The following VAV3 variants were observed in gnomAD, a reference collection of about 807,000 sequenced individuals.
VAV3 encodes guanine nucleotide exchange factor VAV3.
Under a neutral mutation model 131.2 loss-of-function variants are expected in VAV3, and 94 were observed. The ratio of observed to expected loss-of-function variants is 0.72; its 90% CI spans 0.61 to 0.85. The LOEUF is 0.85. Among genes scored for constraint, VAV3 ranks in the 40% least tolerant of loss-of-function variants. VAV3 has a pLI of 0.00. For synonymous variants in VAV3, 349 were observed against 342.0 expected (o/e 1.02, Z -0.22); for missense variants, 939 against 1,002.7 (o/e 0.94, Z 0.86).
chr1:107,599,034 A>G (rs1307504860), intron 24 of VAV3, among the ~76,000 whole-genome samples: 1 of 152,210 alleles, frequency 6.6e-6, no homozygotes, highest in Non-Finnish European at 1.5e-5. Context: ...GAATTTGGCT[A>G]GAAACCATAG....
Position 107,833,774 on chromosome 1 carries a change from G to A in VAV3, c.321+41127C>T, listed in dbSNP as rs193061071. Among the ~76,000 whole-genome samples, 567 of 152,272 alleles carry A rather than the reference G, an allele frequency of 3.7e-3. 4 individuals are homozygous for A. Among genetic ancestry groups the A allele is most frequent in the Admixed American group, 0.021 (314 of 15,308 alleles). On this transcript the variant is annotated intron_variant, in intron 2 of 26. Transcript: ENST00000370056. ...TCTTGTTATTGTGAAGCTAGCAAAG[G>A]TCTAGGGAGTCACTTGGATGACAAG...
intron 17 of VAV3, 68 bp from the exon 18 acceptor site, chr1:107,688,474 T>C: frequency 6.2e-7 from 1 of 1,605,938 alleles, no homozygotes; most frequent in Non-Finnish European, 8.5e-7. Flanking sequence ...ACCTTAGCTT[T>C]CTCTGCAGAG....
intron 1 of VAV3, among the ~76,000 whole-genome samples, chr1:107,957,283 T>C (rs1031234067): frequency 3.3e-5 from 5 of 152,052 alleles, no homozygotes; most frequent in Admixed American, 3.3e-4. Context: ...TTAATCTTTT[T>C]TGTTCCTCTC....
rs766282554 is a variant in VAV3 at position 107,964,890 on chromosome 1, G to T, written c.-21C>A. 2 of 1,429,780 alleles carry T rather than the reference G, an allele frequency of 1.4e-6. No homozygotes were observed. The highest frequency in any genetic ancestry group is 1.6e-5 in the South Asian group (1 of 61,878). 88.6% of individuals were successfully genotyped at this position (1,429,780 alleles called of 1,614,324 possible). ...TCCATGCCCGACGGCTCCGGGACGC[G>T]GCTGGGCCGGGGCGGGCGGCAAGGA... On this transcript the variant is annotated 5_prime_UTR_variant, in exon 1 of 27. Coordinates refer to ENST00000370056, the MANE Select transcript of VAV3 (RefSeq NM_006113.5).
At position 107,749,606 on chromosome 1, in the gene VAV3, A is replaced by AGATT. The variant is rs759664391; in HGVS notation, c.1260-16_1260-13dup. 2.6e-5 allele frequency: 42 copies of AGATT among 1,606,596 alleles called. No homozygotes were observed. In the Middle Eastern group the frequency reaches 6.6e-4, roughly 25 times the overall value. On this transcript the variant is annotated splice_polypyrimidine_tract_variant and intron_variant, in intron 13 of 26. Transcript: ENST00000370056. Reference sequence around the variant, plus strand: ...ATAAGAAGATATGCCTGGGAAAAAGAGATTGATTGATTGATTTTAAATGGT... The same window carrying AGATT: ...ATAAGAAGATATGCCTGGGAAAAAGAGATTGATTGATTGATTGATTTTAAATGGT...
chr1:107,871,466 A>G (rs1019903007), intron 2 of VAV3, among the ~76,000 whole-genome samples: 3 of 151,624 alleles, frequency 2.0e-5, no homozygotes, highest in African/African-American at 7.3e-5. Context: ...CTCTTAAATG[A>G]GTTCAAGTTA....
chr1:107,757,427 C>T, intron 10 of VAV3, 98 bp from the exon 11 acceptor site: 1 of 1,052,998 alleles, frequency 9.5e-7, no homozygotes, highest in Non-Finnish European at 1.4e-6. Context: ...TATTGGTTTT[C>T]TCTCTATAAT....
At chr1:107,742,196 T>C (rs1663060859) in intron 15 of VAV3, among the ~76,000 whole-genome samples, 1 of 152,190 alleles carries the variant, frequency 6.6e-6, no homozygotes, top group South Asian at 2.1e-4. Flanking sequence ...GCTGTTGTAA[T>C]ATTTTGCCAC....
At chr1:107,831,275 T>C (rs1283692468) in intron 2 of VAV3, among the ~76,000 whole-genome samples, 1 of 152,202 alleles carries the variant, frequency 6.6e-6, no homozygotes, top group Non-Finnish European at 1.5e-5. Context: ...ATATGACATA[T>C]ATCTCTATAC....
chr1:107,834,531 A>C (rs1220355533), intron 2 of VAV3, among the ~76,000 whole-genome samples: 2 of 152,062 alleles, frequency 1.3e-5, no homozygotes, highest in African/African-American at 4.8e-5. Flanking sequence ...CAGAATACGC[A>C]TTCTGATCAA....
chr1:107,851,625 G>T (rs567420491), intron 2 of VAV3, among the ~76,000 whole-genome samples: 1 of 152,242 alleles, frequency 6.6e-6, no homozygotes, highest in Admixed American at 6.5e-5. Flanking sequence ...AAGGGAAACA[G>T]AAGTGCTCCC....
intron 19 of VAV3, among the ~76,000 whole-genome samples, chr1:107,656,563 C>G (rs1231805608): frequency 6.6e-6 from 1 of 152,050 alleles, no homozygotes; most frequent in Non-Finnish European, 1.5e-5. Context: ...CTACAGTTAA[C>G]ATTAATCCAT....
chr1:107,905,168 T>C (rs573834342), intron 1 of VAV3, among the ~76,000 whole-genome samples: 51 of 152,346 alleles, frequency 3.3e-4, no homozygotes, highest in African/African-American at 1.2e-3. Context: ...CCATATTTTA[T>C]ACAGGACCTT....
intron 1 of VAV3, among the ~76,000 whole-genome samples, chr1:107,904,571 G>T (rs528798462): frequency 1.3e-5 from 2 of 152,074 alleles, no homozygotes; most frequent in African/African-American, 2.4e-5. Context: ...ATTTATTTCT[G>T]CCCCCAACCA....
chr1:107,633,655 C>T (rs1654682405), intron 20 of VAV3, among the ~76,000 whole-genome samples: 1 of 151,626 alleles, frequency 6.6e-6, no homozygotes, highest in African/African-American at 2.4e-5. Context: ...TTGCTTTAAC[C>T]AAAAAAAAGC....
intron 25 of VAV3, among the ~76,000 whole-genome samples, chr1:107,595,781 A>C (rs1278891854): frequency 1.3e-5 from 2 of 152,152 alleles, no homozygotes; most frequent in East Asian, 3.9e-4. Flanking sequence ...AAAATTCTTA[A>C]AGTAGTCATT....
intron 24 of VAV3, among the ~76,000 whole-genome samples, chr1:107,598,217 G>T (rs1406843489): frequency 2.6e-5 from 4 of 152,096 alleles, no homozygotes; most frequent in African/African-American, 9.7e-5. Flanking sequence ...TTAGCCAGGT[G>T]TGGTGGCAGG....
chr1:107,609,860 C>G lies in VAV3; in HGVS notation c.2015+71G>C, dbSNP rs887510265. 4.0e-6 allele frequency: 6 copies of G among 1,484,742 alleles called. No homozygotes were observed. In the Admixed American group the frequency reaches 1.1e-4, roughly 26 times the overall value. 92.0% of individuals were successfully genotyped at this position (1,484,742 alleles called of 1,614,324 possible). A position where few individuals can be genotyped will look rare whatever the true frequency, so the allele number is the denominator to read the frequency against. Reference sequence around the variant, plus strand: ...GAAATGGAATATGGTTTACTACCCCCACATTTAAGGCATCCTGGAGCTAAG... The same window carrying G: ...GAAATGGAATATGGTTTACTACCCCGACATTTAAGGCATCCTGGAGCTAAG... On this transcript the variant is annotated intron_variant, in intron 22 of 26. Coordinates refer to ENST00000370056, the MANE Select transcript of VAV3 (RefSeq NM_006113.5).
At chr1:107,913,275 T>A (rs940953780) in intron 1 of VAV3, among the ~76,000 whole-genome samples, 2 of 152,170 alleles carry the variant, frequency 1.3e-5, no homozygotes, top group Non-Finnish European at 2.9e-5. Context: ...GCCAGAGAAA[T>A]GTCAGAAGGC....
Sources: gnomAD v4.1 joint callset for allele counts (sites outside exome capture counted in the v4.1 genomes callset) on GRCh38, gnomAD v4.1.1 for gene constraint, MANE v1.5 for transcripts, NCBI Gene and HGNC (gene_info 2026-07-23, HGNC 2026-07-21) for gene names.